PCM1: variants seen among roughly 807,000 people sequenced by gnomAD.
PCM1 encodes pericentriolar material 1.
In PCM1, 157 loss-of-function variants were observed where a neutral mutation model predicts 241.9. That is an observed-to-expected ratio of 0.65 (90% CI 0.57 to 0.74). The LOEUF is 0.74. Ranked by LOEUF, PCM1 falls within the 30% of genes least tolerant of loss-of-function variation. PCM1 has a pLI of 0.00. For missense variants in PCM1, 3,478 were observed against 2,360.1 expected, an observed-to-expected ratio of 1.47 and a Z score of -9.81; for synonymous variants, 1,085 against 784.9, an observed-to-expected ratio of 1.38 and a Z score of -6.39.
intron 6 of PCM1, among the ~76,000 whole-genome samples, chr8:17,944,009 ATGT>A (rs2063020335): frequency 6.6e-6 from 1 of 152,182 alleles, no homozygotes; most frequent in African/African-American, 2.4e-5. Flanking sequence ...CTTGTATAAG[ATGT>A]CAGAAGAAGG....
In PCM1 at chr8:17,986,021, C is replaced by G; in HGVS notation, c.4344C>G (p.Asn1448Lys). The G allele has an allele frequency of 6.3e-7, 1 of 1,597,864 alleles. No individual in the cohort carries two copies. Among genetic ancestry groups the G allele is most frequent in the Non-Finnish European group, 8.6e-7 (1 of 1,168,242 alleles). Residue 1448 changes from asparagine (N) to lysine (K), a missense_variant, in exon 26 of 39, where the codon AAC (asparagine) becomes AAG (lysine). Transcript: ENST00000325083. ...HEKGENVKSV[N>K]SGTWIASNSE... ...AAGGAGAAAATGTAAAGTCAGTAAA[C>G]TCTGGTACTTGGATAGCATCAAACT... is the stretch of plus-strand genomic sequence containing the variant.
intron 8 of PCM1, among the ~76,000 whole-genome samples, chr8:17,951,498 C>A (rs1282208733): frequency 6.6e-6 from 1 of 152,088 alleles, no homozygotes; most frequent in African/African-American, 2.4e-5. Context: ...TAGCAAATAA[C>A]CAGAAACAGC....
intron 36 of PCM1, among the ~76,000 whole-genome samples, chr8:18,019,573 C>A (rs912672297): frequency 1.3e-5 from 2 of 152,160 alleles, no homozygotes; most frequent in Non-Finnish European, 2.9e-5. Flanking sequence ...GATAATGACA[C>A]AGCATCAGGC....
intron 6 of PCM1, among the ~76,000 whole-genome samples, chr8:17,942,161 C>T (rs1278746576): frequency 3.9e-5 from 6 of 152,156 alleles, no homozygotes; most frequent in African/African-American, 1.4e-4. Context: ...GTCAGTTGCC[C>T]TTTGTTTCTG....
chr8:17,972,605 C>G lies in PCM1; in HGVS notation c.3861C>G (p.Ser1287Arg). The G allele has an allele frequency of 1.3e-6, 2 of 1,593,612 alleles. No individual in the cohort carries two copies. The highest frequency in any genetic ancestry group is 1.7e-6 in the Non-Finnish European group (2 of 1,173,340). ...FKTRKASAQA[S>R]LASKDKTPKS... is the part of the protein sequence containing the mutation. ...CAAGAAAAGCGTCTGCACAGGCCAGCCTGGCATCTAAAGATAAAACTCCCA... is the reference window on the plus strand; with the variant it reads ...CAAGAAAAGCGTCTGCACAGGCCAGGCTGGCATCTAAAGATAAAACTCCCA... The change falls in exon 23 of 39, where the codon AGC (serine) becomes AGG (arginine). Residue 1287 changes from serine to arginine, a missense_variant. Coordinates refer to ENST00000325083, the MANE Select transcript of PCM1 (RefSeq NM_006197.4).
At chr8:17,991,957 G>C (rs1209981557) in intron 28 of PCM1, among the ~76,000 whole-genome samples, 1 of 152,074 alleles carries the variant, frequency 6.6e-6, no homozygotes, top group Non-Finnish European at 1.5e-5. Context: ...TGCAACGTTT[G>C]GTTTTCCATT....
intron 24 of PCM1, chr8:17,983,174 C>A (rs1377841203): frequency 4.9e-6 from 4 of 814,550 alleles, no homozygotes; most frequent in Non-Finnish European, 6.9e-6. Context: ...TGTTATAGAC[C>A]CTGTCTTTAC....
At position 18,027,683 on chromosome 8, in the gene PCM1, T is replaced by C; in HGVS notation, c.*21T>C. The stretch of plus-strand genomic sequence containing the variant: ...TATGAGATGTCTTCAGAGGCTCATC[T>C]AACTCTGTCCTTACATACTCAATGC... On this transcript the variant is annotated 3_prime_UTR_variant, in exon 39 of 39. Coordinates refer to ENST00000325083, the MANE Select transcript of PCM1 (RefSeq NM_006197.4). The C allele has an allele frequency of 6.4e-7, 1 of 1,565,228 alleles. No homozygotes were observed. The highest frequency in any genetic ancestry group is 8.8e-7 in the Non-Finnish European group (1 of 1,141,890).
chr8:17,992,024 G>A (rs973237667), intron 28 of PCM1, among the ~76,000 whole-genome samples: 3 of 152,140 alleles, frequency 2.0e-5, no homozygotes, highest in Non-Finnish European at 4.4e-5. Context: ...GGCTGCAAAT[G>A]CCATTACTTT....
At chr8:18,024,716 C>A (rs547790598) in intron 36 of PCM1, among the ~76,000 whole-genome samples, 1 of 152,102 alleles carries the variant, frequency 6.6e-6, no homozygotes, top group Non-Finnish European at 1.5e-5. Context: ...CTGACTATAG[C>A]ATATACTATC....
chr8:17,990,831 G>A (rs569247468), intron 27 of PCM1, among the ~76,000 whole-genome samples: 16 of 152,088 alleles, frequency 1.1e-4, no homozygotes, highest in African/African-American at 2.4e-5. Context: ...CCTACTGTTC[G>A]CCAAAACAAA....
At chr8:18,017,879 G>A (rs2129487092) in intron 36 of PCM1, among the ~76,000 whole-genome samples, 1 of 152,132 alleles carries the variant, frequency 6.6e-6, no homozygotes, top group Non-Finnish European at 1.5e-5. Context: ...CCAAGGGTTT[G>A]ACTCTGAAGA....
chr8:18,029,360 C>G lies in PCM1; in HGVS notation c.*1698C>G, dbSNP rs1347788303. On this transcript the variant is annotated 3_prime_UTR_variant, in exon 39 of 39. Transcript: ENST00000325083. ...AATTCGGAGTTCTTATCCAGGTGCT[C>G]TAACTAACTTCAGGGAAATTGGAAC... 1 of 212,590 alleles carries G rather than the reference C, an allele frequency of 4.7e-6. No individual in the cohort carries two copies. Among genetic ancestry groups the G allele is most frequent in the Admixed American group, 5.9e-5 (1 of 17,048 alleles). The allele number at this position is 212,590 out of a possible 1,614,324, so 13.2% of individuals were successfully genotyped here.
At chr8:18,011,890 GCCTTATTTTAACTAATCA>G in intron 34 of PCM1, 63 bp downstream of exon 34, 1 of 1,434,270 alleles carries the variant, frequency 7.0e-7, no homozygotes, top group African/African-American at 1.9e-5. Context: ...ACTTCCATCA[GCCTTATTTTAACTAATCA>G]AAGTAGATCC....
intron 13 of PCM1, among the ~76,000 whole-genome samples, chr8:17,958,869 G>A (rs549086048): frequency 6.6e-6 from 1 of 152,044 alleles, no homozygotes; most frequent in Non-Finnish European, 1.5e-5. Flanking sequence ...TTACAGATGT[G>A]TACCACCACA....
At position 17,950,665 on chromosome 8, in the gene PCM1, C is replaced by G; in HGVS notation, c.1012C>G (p.Leu338Val). 2 of 1,606,224 alleles carry G rather than the reference C, an allele frequency of 1.2e-6. No individual in the cohort carries two copies. The highest frequency in any genetic ancestry group is 1.7e-6 in the Non-Finnish European group (2 of 1,175,578). Residue 338 changes from leucine to valine, a missense_variant, in exon 8 of 39, where the codon CTA becomes GTA. Coordinates refer to ENST00000325083, the MANE Select transcript of PCM1 (RefSeq NM_006197.4). ...SLSGVSITSE[L>V]NEELNDLIQR... ...ATCTGGCGTCAGTATCACATCTGAA[C>G]TAAATGAAGAATTGAATGACTTAAT... is the stretch of plus-strand genomic sequence containing the variant.
chr8:17,999,561 T>C (rs1305874341), intron 29 of PCM1, among the ~76,000 whole-genome samples: 1 of 151,834 alleles, frequency 6.6e-6, no homozygotes, highest in Non-Finnish European at 1.5e-5. Context: ...TTTTTACTCC[T>C]TGCTCTCGTC....
At chr8:17,953,372 A>G (rs879769841) in intron 9 of PCM1, among the ~76,000 whole-genome samples, 186 bp downstream of exon 9, 24 of 152,362 alleles carry the variant, frequency 1.6e-4, no homozygotes, top group African/African-American at 5.5e-4. Flanking sequence ...TAGGTGATAA[A>G]TCAGTTTTAT....
Position 17,980,765 on chromosome 8 carries a change from T to G in PCM1, c.4108+10T>G, listed in dbSNP as rs776017624. The G allele has an allele frequency of 6.3e-7, 1 of 1,593,360 alleles. No homozygotes were observed. Among genetic ancestry groups the G allele is most frequent in the Non-Finnish European group, 8.5e-7 (1 of 1,171,798 alleles). On this transcript the variant is annotated intron_variant, in intron 24 of 38. Coordinates refer to ENST00000325083, the MANE Select transcript of PCM1 (RefSeq NM_006197.4). ...ACAGAAATATCTTCAGGTATGTTCT[T>G]TTTTGGTTTGCATTAATATAAGGAG...
Sources: gnomAD v4.1 joint callset for allele counts (sites outside exome capture counted in the v4.1 genomes callset) on GRCh38, gnomAD v4.1.1 for gene constraint, MANE v1.5 for transcripts, NCBI Gene and HGNC (gene_info 2026-07-23, HGNC 2026-07-21) for gene names.